The following NFIB variants were observed in gnomAD, a reference collection of about 807,000 sequenced individuals.
The protein encoded by NFIB is nuclear factor I B, also known as nuclear factor 1 B-type.
NFIB carries 11 observed loss-of-function variants against 61.5 expected under a neutral mutation model. The observed-to-expected ratio is 0.18, with a 90% confidence interval of 0.11 to 0.30. The LOEUF (loss-of-function observed/expected upper bound fraction) is 0.30, where lower values mean the gene tolerates loss of function less well. Ranked by LOEUF, NFIB falls within the 10% of genes least tolerant of loss-of-function variation. The pLI is 1.00. For synonymous variants in NFIB, 260 were observed against 216.5 expected (o/e 1.20, Z -1.76); for missense variants, 471 against 608.9 (o/e 0.77, Z 2.38).
chr9:14,114,322 C>T (rs1456121630), intron 9 of NFIB, among the ~76,000 whole-genome samples: 2 of 152,202 alleles, frequency 1.3e-5, no homozygotes, highest in African/African-American at 2.4e-5. Flanking sequence ...ACCTCACAGA[C>T]AGCCGGAGAT....
intron 1 of NFIB, among the ~76,000 whole-genome samples, chr9:14,358,741 G>A (rs1392111632): frequency 2.0e-5 from 3 of 152,112 alleles, no homozygotes; most frequent in Non-Finnish European, 2.9e-5. Flanking sequence ...ATCAGTCAGC[G>A]TATTTTATCC....
chr9:14,159,519 C>T (rs935441863), intron 3 of NFIB, among the ~76,000 whole-genome samples: 2 of 152,086 alleles, frequency 1.3e-5, no homozygotes, highest in African/African-American at 4.8e-5. Context: ...GAGAATCAGC[C>T]AAGTGGGGTA....
chr9:14,530,062 T>A, the NFIB span, among the ~76,000 whole-genome samples: 2 of 152,202 alleles, frequency 1.3e-5, no homozygotes, highest in African/African-American at 4.8e-5. Flanking sequence ...TCAGTAAAAT[T>A]GTAGAGAGTA....
At chr9:14,211,440 G>GT (rs1345753904) in intron 2 of NFIB, among the ~76,000 whole-genome samples, 1 of 152,140 alleles carries the variant, frequency 6.6e-6, no homozygotes, top group African/African-American at 2.4e-5. Flanking sequence ...AAGAAACAAA[G>GT]TTAAAAAAAT....
At chr9:14,272,854 C>A (rs753978744) in intron 2 of NFIB, among the ~76,000 whole-genome samples, 3 of 151,912 alleles carry the variant, frequency 2.0e-5, no homozygotes, top group African/African-American at 7.3e-5. Flanking sequence ...TCTTTTCTCT[C>A]GGTAAACAAT....
chr9:14,143,991 A>AGAGTGT (rs1554647267), intron 6 of NFIB, among the ~76,000 whole-genome samples: 1 of 134,150 alleles, frequency 7.5e-6, no homozygotes, highest in Non-Finnish European at 1.6e-5. Flanking sequence ...AAAGTGACAG[A>AGAGTGT]GTGTGTGTGT....
Position 14,120,113 on chromosome 9 carries a change from T to C in NFIB, c.1245+327A>G, listed in dbSNP as rs1021998623. On this transcript the variant is annotated intron_variant, in intron 8 of 10. Transcript: ENST00000380953. This position sits in a 1 kb window ranked among gnomAD's most constrained non-coding sequence, Gnocchi z 4.4. ...CTGCCTGAAATAAGCACATTGTCTCTGTGTCAAACCAGGTATTTAAGAGGT... is the reference window on the plus strand; with the variant it reads ...CTGCCTGAAATAAGCACATTGTCTCCGTGTCAAACCAGGTATTTAAGAGGT... 6.6e-6 allele frequency among the ~76,000 whole-genome samples: 1 copy of C among 152,218 alleles called. No homozygotes were observed. The highest frequency in any genetic ancestry group is 1.5e-5 in the Non-Finnish European group (1 of 68,038).
rs992922055 is a variant in NFIB, at chr9:14,125,766, T to C, written c.926A>G (p.Asp309Gly). The change falls in exon 7 of 11, where the codon GAT becomes GGT. Residue 309 changes from aspartate to glycine, a missense_variant and splice_region_variant. Transcript: ENST00000380953. ...CTTCATAGTAGTCGGAGAAGACATA[T>C]CTGCGAGAAACAGAGAAAAACCCAA... is the stretch of plus-strand genomic sequence containing the variant. Reference protein sequence around the residue: ...GSRTWHERDQDMSSPTTMKKP... With the variant: ...GSRTWHERDQGMSSPTTMKKP... 1 of 1,613,784 alleles carries C rather than the reference T, an allele frequency of 6.2e-7. No individual in the cohort carries two copies. Among genetic ancestry groups the C allele is most frequent in the South Asian group, 1.1e-5 (1 of 91,014 alleles).
intron 6 of NFIB, among the ~76,000 whole-genome samples, chr9:14,140,796 T>C (rs745365281): frequency 6.6e-6 from 1 of 152,088 alleles, no homozygotes; most frequent in Non-Finnish European, 1.5e-5. Context: ...TAGCTGGGCA[T>C]GGTGGCAAGT....
At chr9:14,253,148 T>C (rs908792857) in intron 2 of NFIB, among the ~76,000 whole-genome samples, 6 of 152,252 alleles carry the variant, frequency 3.9e-5, no homozygotes, top group Admixed American at 6.5e-5. Flanking sequence ...AATCAGGTGC[T>C]ACAGTTAGTG....
chr9:14,413,395 C>T, the NFIB span, among the ~76,000 whole-genome samples: 1 of 152,302 alleles, frequency 6.6e-6, no homozygotes, highest in African/African-American at 2.4e-5. Flanking sequence ...AGAGGGAATA[C>T]ATAGCACTCA....
intron 1 of NFIB, among the ~76,000 whole-genome samples, chr9:14,377,549 G>C (rs975342023): frequency 2.0e-5 from 3 of 152,134 alleles, no homozygotes; most frequent in Non-Finnish European, 4.4e-5. Flanking sequence ...CCTATACCCA[G>C]TACATTAAAA....
At chr9:14,294,443 G>C (rs1292481113) in intron 2 of NFIB, among the ~76,000 whole-genome samples, 2 of 152,196 alleles carry the variant, frequency 1.3e-5, no homozygotes, top group African/African-American at 2.4e-5. Context: ...ACATTAGAAA[G>C]ACATCATATC....
At chr9:14,457,608 A>G in the NFIB span, among the ~76,000 whole-genome samples, 1 of 151,814 alleles carries the variant, frequency 6.6e-6, no homozygotes, top group African/African-American at 2.4e-5. Context: ...AACAAAATTG[A>G]TAGACCCCTA....
chr9:14,469,109 C>T, the NFIB span, among the ~76,000 whole-genome samples: 2 of 152,294 alleles, frequency 1.3e-5, no homozygotes, highest in South Asian at 4.2e-4. Flanking sequence ...CTGCCTTTGT[C>T]TCGATCAAGA....
chr9:14,219,346 A>G (rs975141653), intron 2 of NFIB, among the ~76,000 whole-genome samples: 4 of 142,516 alleles, frequency 2.8e-5, no homozygotes, highest in Non-Finnish European at 4.5e-5. Flanking sequence ...ATCTCCAGAG[A>G]AACTTTAATA....
At chr9:14,464,604 T>C in the NFIB span, among the ~76,000 whole-genome samples, 5 of 152,126 alleles carry the variant, frequency 3.3e-5, no homozygotes, top group East Asian at 1.9e-4. Context: ...TAGCAAGGAA[T>C]TGGCCTCAGG....
chr9:14,189,033 T>C (rs1474992310), intron 2 of NFIB, among the ~76,000 whole-genome samples: 2 of 152,164 alleles, frequency 1.3e-5, no homozygotes, highest in Non-Finnish European at 2.9e-5. Context: ...AAGGAAAGCA[T>C]AGAAAAATAA....
chr9:14,184,849 C>T (rs13297162), intron 2 of NFIB, among the ~76,000 whole-genome samples: 4,718 of 152,140 alleles, frequency 0.031, 105 homozygotes, highest in Non-Finnish European at 0.048. Context: ...GGTGAAACCC[C>T]GTCTCTACCA....
Sources: allele counts gnomAD v4.1 joint callset (sites outside exome capture counted in the v4.1 genomes callset), GRCh38; gene constraint gnomAD v4.1.1; non-coding constraint Gnocchi (gnomAD v3.1); transcripts MANE v1.5; gene names NCBI Gene and HGNC (gene_info 2026-07-23, HGNC 2026-07-21).